The following CYB5R4 variants were observed in gnomAD, a reference collection of about 807,000 sequenced individuals.
The protein encoded by CYB5R4 is N-terminal cytochrome b5 and cytochrome b5 oxidoreductase domain-containing protein.
Under a neutral mutation model 70.2 loss-of-function variants are expected in CYB5R4, and 55 were observed. That is an observed-to-expected ratio of 0.78 (90% CI 0.63 to 0.98). The LOEUF is 0.98. Among genes scored for constraint, CYB5R4 ranks in the 50% least tolerant of loss-of-function variants. The pLI, the probability that CYB5R4 is intolerant of heterozygous loss-of-function variation, is 0.00. For synonymous variants in CYB5R4, 197 were observed against 199.5 expected, an observed-to-expected ratio of 0.99 and a Z score of 0.11; for missense variants, 562 against 612.6, an observed-to-expected ratio of 0.92 and a Z score of 0.87.
intron 2 of CYB5R4, among the ~76,000 whole-genome samples, chr6:83,890,520 AT>A (rs1351616966): frequency 6.6e-5 from 10 of 152,230 alleles, no homozygotes; most frequent in African/African-American, 2.4e-4. Context: ...TACTGTGAAC[AT>A]TGTTGAAATG....
Position 83,963,801 on chromosome 6 carries a change from C to T in CYB5R4, c.*3923C>T, listed in dbSNP as rs1158381950. 3 of 152,516 alleles carry T rather than the reference C, an allele frequency of 2.0e-5. No homozygotes were observed. The highest frequency in any genetic ancestry group is 7.2e-5 in the African/African-American group (3 of 41,428). 9.4% of individuals were successfully genotyped at this position (152,516 alleles called of 1,614,324 possible). ...TGGCTCTGTGTCACCACCCAAATCTCATCTTGAATTGTACTCTCATAATTC... is the reference window on the plus strand; with the variant it reads ...TGGCTCTGTGTCACCACCCAAATCTTATCTTGAATTGTACTCTCATAATTC... On this transcript the variant is annotated 3_prime_UTR_variant, in exon 16 of 16. Coordinates refer to ENST00000369681, the MANE Select transcript of CYB5R4 (RefSeq NM_016230.4).
intron 14 of CYB5R4, among the ~76,000 whole-genome samples, chr6:83,950,423 T>C (rs2099471341): frequency 1.3e-5 from 2 of 152,140 alleles, no homozygotes; most frequent in Non-Finnish European, 2.9e-5. Flanking sequence ...GTGATCAGTG[T>C]ATGAGGCTCA....
At chr6:83,946,076 G>C (rs1237642934) in intron 14 of CYB5R4, among the ~76,000 whole-genome samples, 1 of 152,108 alleles carries the variant, frequency 6.6e-6, no homozygotes, top group East Asian at 1.9e-4. Flanking sequence ...CATTTTATGA[G>C]GCCAGCATCA....
chr6:83,959,490 G>T (rs183616306), intron 15 of CYB5R4, among the ~76,000 whole-genome samples: 1 of 152,114 alleles, frequency 6.6e-6, no homozygotes, highest in Non-Finnish European at 1.5e-5. Context: ...ATGGAGTGGG[G>T]GTCTGGGGGA....
chr6:83,890,742 C>T (rs2099461000), intron 2 of CYB5R4, among the ~76,000 whole-genome samples: 1 of 152,110 alleles, frequency 6.6e-6, no homozygotes, highest in Non-Finnish European at 1.5e-5. Context: ...TCACCGCCAC[C>T]TCAGCCTTAA....
intron 10 of CYB5R4, among the ~76,000 whole-genome samples, chr6:83,932,698 A>G (rs2099468347): frequency 6.6e-6 from 1 of 152,064 alleles, no homozygotes; most frequent in South Asian, 2.1e-4. Context: ...TCCCTGCCCA[A>G]ATGACCCCAA....
At chr6:83,860,812 T>G (rs2099455814) in intron 1 of CYB5R4, among the ~76,000 whole-genome samples, 1 of 152,254 alleles carries the variant, frequency 6.6e-6, no homozygotes, top group Admixed American at 6.5e-5. Flanking sequence ...CAGAGATTTC[T>G]TAAGTACTTA....
intron 14 of CYB5R4, among the ~76,000 whole-genome samples, chr6:83,943,888 G>A (rs1007635544): frequency 5.9e-5 from 9 of 152,012 alleles, no homozygotes; most frequent in African/African-American, 2.2e-4. Context: ...ATGAAATAAA[G>A]TGAGAAGACA....
intron 4 of CYB5R4, among the ~76,000 whole-genome samples, chr6:83,912,009 A>G (rs1244902642): frequency 6.6e-6 from 1 of 150,512 alleles, no homozygotes; most frequent in African/African-American, 2.5e-5. Flanking sequence ...GTGAGCCGAG[A>G]TATCACCACT....
chr6:83,928,157 T>G (rs2099467623), intron 10 of CYB5R4, among the ~76,000 whole-genome samples: 1 of 152,164 alleles, frequency 6.6e-6, no homozygotes, highest in African/African-American at 2.4e-5. Flanking sequence ...AGTATTTCTT[T>G]TTAATTCACA....
intron 3 of CYB5R4, among the ~76,000 whole-genome samples, chr6:83,895,273 C>T (rs2099461692): frequency 6.6e-6 from 1 of 152,046 alleles, no homozygotes; most frequent in South Asian, 2.1e-4. Context: ...TCAAGCAGTT[C>T]TTGTGCCTTA....
chr6:83,871,284 A>G (rs568889569), intron 2 of CYB5R4, among the ~76,000 whole-genome samples: 3 of 151,998 alleles, frequency 2.0e-5, no homozygotes, highest in Non-Finnish European at 4.4e-5. Flanking sequence ...TGGCCTGTTC[A>G]TTGAATTCTA....
intron 14 of CYB5R4, among the ~76,000 whole-genome samples, chr6:83,953,306 C>G (rs2099471825): frequency 6.6e-6 from 1 of 151,866 alleles, no homozygotes; most frequent in Non-Finnish European, 1.5e-5. Context: ...TGGAGGCATA[C>G]TAGTGTTTCA....
intron 14 of CYB5R4, among the ~76,000 whole-genome samples, chr6:83,947,085 G>A (rs903214407): frequency 6.6e-6 from 1 of 152,090 alleles, no homozygotes; most frequent in Non-Finnish European, 1.5e-5. Flanking sequence ...CCAAAAAAGA[G>A]CTCGTATAGC....
At chr6:83,886,427 A>G (rs150608475) in intron 2 of CYB5R4, among the ~76,000 whole-genome samples, 8 of 152,254 alleles carry the variant, frequency 5.3e-5, no homozygotes, top group Non-Finnish European at 1.2e-4. Context: ...TGGTATATCC[A>G]TAGAAGAAAT....
intron 4 of CYB5R4, 81 bp downstream of exon 4, chr6:83,909,171 C>T (rs2099464286): frequency 1.8e-6 from 2 of 1,085,992 alleles, no homozygotes; most frequent in Admixed American, 2.0e-5. Context: ...ACAACTAGGT[C>T]TATACAAATC....
intron 14 of CYB5R4, among the ~76,000 whole-genome samples, chr6:83,953,499 C>T (rs13220487): frequency 0.044 from 6,663 of 151,530 alleles, 151 homozygotes; most frequent in African/African-American, 0.05. Flanking sequence ...AAAACAAAAG[C>T]AGGAAAAGCT....
intron 1 of CYB5R4, among the ~76,000 whole-genome samples, chr6:83,863,126 G>C (rs539109738): frequency 2.6e-5 from 4 of 152,298 alleles, no homozygotes; most frequent in African/African-American, 9.6e-5. Context: ...CTTCTCGTCT[G>C]AAAACTTTGA....
In CYB5R4 at chr6:83,963,315, CAA is replaced by C. The variant is rs1010606862; in HGVS notation, c.*3440_*3441del. 3.9e-5 allele frequency: 6 copies of C among 152,304 alleles called. No individual in the cohort carries two copies. The highest frequency in any genetic ancestry group is 2.6e-4 in the Admixed American group (4 of 15,288). The allele number at this position is 152,304 out of a possible 1,614,324, so 9.4% of individuals were successfully genotyped here. ...ATGAGAGGAGCTTTGACACCCACCC[CAA>C]AAGAGTCAACTTCATTATGCTGGCA... On this transcript the variant is annotated 3_prime_UTR_variant, in exon 16 of 16. Coordinates refer to ENST00000369681, the MANE Select transcript of CYB5R4 (RefSeq NM_016230.4).
Sources: gnomAD v4.1 joint callset for allele counts (sites outside exome capture counted in the v4.1 genomes callset) on GRCh38, gnomAD v4.1.1 for gene constraint, MANE v1.5 for transcripts, NCBI Gene and HGNC (gene_info 2026-07-23, HGNC 2026-07-21) for gene names.